HTR4: variants seen among roughly 807,000 people sequenced by gnomAD.
The protein encoded by HTR4 is 5-hydroxytryptamine (serotonin) receptor 4, G protein-coupled.
HTR4 carries 16 observed loss-of-function variants against 36.8 expected under a neutral mutation model. That is an observed-to-expected ratio of 0.43 (90% CI 0.29 to 0.66). HTR4 has a LOEUF of 0.66. Among genes scored for constraint, HTR4 ranks in the 30% least tolerant of loss-of-function variants. HTR4 has a pLI of 0.13. For missense variants in HTR4, 438 were observed against 490.9 expected, an observed-to-expected ratio of 0.89 and a Z score of 1.02; for synonymous variants, 189 against 185.1, an observed-to-expected ratio of 1.02 and a Z score of -0.17.
chr5:148,645,500 C>T (rs1561666708), intron 1 of HTR4: 1 of 152,058 alleles, frequency 6.6e-6, no homozygotes, highest in Non-Finnish European at 1.5e-5. Context: ...GGCAGTGGGC[C>T]AGATAGTTTG....
chr5:148,649,129 T>C (rs569190290), intron 1 of HTR4, among the ~76,000 whole-genome samples: 4 of 152,288 alleles, frequency 2.6e-5, no homozygotes, highest in South Asian at 4.1e-4. Context: ...CAGGAGTTGA[T>C]AGAAAAATCA....
chr5:148,599,519 C>T (rs1339357780), intron 2 of HTR4, among the ~76,000 whole-genome samples: 3 of 151,772 alleles, frequency 2.0e-5, no homozygotes, highest in Non-Finnish European at 4.4e-5. Flanking sequence ...TCAACCTGGA[C>T]ATTTTATATC....
intron 2 of HTR4, among the ~76,000 whole-genome samples, chr5:148,554,063 TTTGTTGTTGTTG>T (rs142810948): frequency 6.6e-6 from 1 of 151,864 alleles, no homozygotes; most frequent in Non-Finnish European, 1.5e-5. Context: ...AGGAATAAAG[TTTGTTGTTGTTG>T]TTGTTGTTGT....
chr5:148,577,118 T>A (rs1703508695), intron 2 of HTR4, among the ~76,000 whole-genome samples: 1 of 151,848 alleles, frequency 6.6e-6, no homozygotes, highest in Non-Finnish European at 1.5e-5. Flanking sequence ...AACTTAAATT[T>A]ACAAGAGAAA....
At chr5:148,628,974 G>A (rs1753219157) in intron 2 of HTR4, 1 of 152,048 alleles carries the variant, frequency 6.6e-6, no homozygotes, top group Non-Finnish European at 1.5e-5. Flanking sequence ...CTTGAGCTGA[G>A]AGTCATAAAG....
At chr5:148,468,500 AG>A (rs1755487606) in intron 5 of HTR4, among the ~76,000 whole-genome samples, 1 of 152,142 alleles carries the variant, frequency 6.6e-6, no homozygotes, top group Admixed American at 6.5e-5. Flanking sequence ...AGGGATCCAT[AG>A]GGGTGTCTTT....
At chr5:148,492,903 T>A (rs1470087810) in intron 6 of HTR4, among the ~76,000 whole-genome samples, 2 of 152,134 alleles carry the variant, frequency 1.3e-5, no homozygotes, top group Non-Finnish European at 2.9e-5. Context: ...TACATACCAG[T>A]GGTCGCCTTC....
At chr5:148,473,941 C>T (rs763350865), downstream of HTR4, among the ~76,000 whole-genome samples, 1 of 152,124 alleles carries the variant, frequency 6.6e-6, no homozygotes, top group South Asian at 2.1e-4. Context: ...TGCTCTCCAC[C>T]GAGACGGCTA....
chr5:148,495,899 G>A (rs1406556104), intron 6 of HTR4, among the ~76,000 whole-genome samples: 3 of 151,996 alleles, frequency 2.0e-5, no homozygotes, highest in Non-Finnish European at 2.9e-5. Flanking sequence ...TCAGGAGTTC[G>A]AGACCAGGCT....
intron 2 of HTR4, among the ~76,000 whole-genome samples, chr5:148,593,626 A>G (rs1285185886): frequency 1.3e-5 from 2 of 152,186 alleles, no homozygotes; most frequent in Non-Finnish European, 2.9e-5. Context: ...TTCTGCCACA[A>G]GACTTAACCT....
chr5:148,495,277 T>G (rs1269163299), intron 6 of HTR4, among the ~76,000 whole-genome samples: 1 of 152,212 alleles, frequency 6.6e-6, no homozygotes, highest in Non-Finnish European at 1.5e-5. Context: ...ATTTTGACAA[T>G]GAAGGAGTGA....
intron 2 of HTR4, among the ~76,000 whole-genome samples, chr5:148,589,451 T>C (rs902591225): frequency 1.3e-5 from 2 of 152,204 alleles, no homozygotes; most frequent in Non-Finnish European, 2.9e-5. Context: ...TTTCCCTATT[T>C]TCTTGTGAGA....
chr5:148,485,818 G>A (rs531899668), intron 6 of HTR4, among the ~76,000 whole-genome samples: 1 of 152,324 alleles, frequency 6.6e-6, no homozygotes, highest in East Asian at 1.9e-4. Context: ...CAGAGCTAAA[G>A]AAAGCCATGT....
intron 4 of HTR4, among the ~76,000 whole-genome samples, chr5:148,539,331 G>A (rs776043072): frequency 3.9e-5 from 6 of 151,974 alleles, no homozygotes; most frequent in Admixed American, 1.3e-4. Flanking sequence ...ATTTCATTAC[G>A]AAGACACCAA....
At chr5:148,498,934 G>T (rs1184988228) in intron 6 of HTR4, among the ~76,000 whole-genome samples, 1 of 152,078 alleles carries the variant, frequency 6.6e-6, no homozygotes, top group African/African-American at 2.4e-5. Context: ...TGGTTTGTAG[G>T]CAAACTAGAG....
intron 2 of HTR4, among the ~76,000 whole-genome samples, chr5:148,567,759 C>A (rs753106432): frequency 2.0e-5 from 3 of 152,158 alleles, no homozygotes; most frequent in Non-Finnish European, 4.4e-5. Flanking sequence ...GTGTCCCCAT[C>A]AAAGAGCATT....
chr5:148,470,499 C>G (rs917735329), intron 5 of HTR4, among the ~76,000 whole-genome samples: 2 of 152,124 alleles, frequency 1.3e-5, no homozygotes, highest in African/African-American at 4.8e-5. Flanking sequence ...TATTTTAGGC[C>G]TTGAAGCCAC....
rs1758898384 is a variant in HTR4 at position 148,537,752 on chromosome 5, C to T, written c.353+10916G>A. On this transcript the variant is annotated intron_variant, in intron 4 of 6. Transcript: ENST00000377888. ...ATTAAATCAGTAATAGACAGCCTACCAACCAAGAAAAGCCCACACCTGATG... is the reference window on the plus strand; with the variant it reads ...ATTAAATCAGTAATAGACAGCCTACTAACCAAGAAAAGCCCACACCTGATG... 4.6e-5 allele frequency among the ~76,000 whole-genome samples: 7 copies of T among 152,038 alleles called. No individual in the cohort carries two copies. In the South Asian group the frequency reaches 1.5e-3, roughly 32 times the overall value.
chr5:148,584,901 T>C (rs755144555), intron 2 of HTR4, among the ~76,000 whole-genome samples: 1 of 152,090 alleles, frequency 6.6e-6, no homozygotes, highest in African/African-American at 2.4e-5. Flanking sequence ...GACAACAAAA[T>C]GGAAGGCTAG....
Sources: gnomAD v4.1 joint callset for allele counts (sites outside exome capture counted in the v4.1 genomes callset) on GRCh38, gnomAD v4.1.1 for gene constraint, MANE v1.5 for transcripts, NCBI Gene and HGNC (gene_info 2026-07-23, HGNC 2026-07-21) for gene names.